Variants in ENTREP2 observed in about 807,000 individuals in gnomAD.
ENTREP2 encodes endosomal transmembrane epsin interactor 2, also known as protein ENTREP2.
chr15:29,408,960 C>T, the ENTREP2 span, among the ~76,000 whole-genome samples: 1 of 152,090 alleles, frequency 6.6e-6, no homozygotes. Context: ...ACCTGTGAGG[C>T]CATTAACACA....
chr15:29,292,220 G>C, the ENTREP2 span, among the ~76,000 whole-genome samples: 5 of 152,196 alleles, frequency 3.3e-5, no homozygotes, highest in East Asian at 3.9e-4. Flanking sequence ...TCACTGACAG[G>C]CTTCAGTACA....
At chr15:29,349,935 GATTA>G in the ENTREP2 span, among the ~76,000 whole-genome samples, 26 of 151,516 alleles carry the variant, frequency 1.7e-4, no homozygotes, top group Admixed American at 6.6e-4. Context: ...ATAATTAATT[GATTA>G]ATTAATTAAT....
chr15:29,223,697 C>T, the ENTREP2 span, among the ~76,000 whole-genome samples: 21 of 152,042 alleles, frequency 1.4e-4, no homozygotes, highest in Admixed American at 1.2e-3. Flanking sequence ...CCTGTAGTGG[C>T]GCTCCTGGCC....
At chr15:29,640,325 TATAA>T in the ENTREP2 span, among the ~76,000 whole-genome samples, 1 of 152,044 alleles carries the variant, frequency 6.6e-6, no homozygotes, top group African/African-American at 2.4e-5. Context: ...ACATAGAAGA[TATAA>T]ATAGTCATAG....
chr15:29,360,536 T>C, the ENTREP2 span, among the ~76,000 whole-genome samples: 12 of 152,196 alleles, frequency 7.9e-5, no homozygotes, highest in African/African-American at 2.4e-4. Context: ...ATTTGCAATA[T>C]TCATCATTAA....
chr15:29,383,269 C>A, the ENTREP2 span, among the ~76,000 whole-genome samples: 204 of 152,242 alleles, frequency 1.3e-3, no homozygotes, highest in Non-Finnish European at 2.4e-3. Flanking sequence ...CCCAACATGT[C>A]CAAAAATGCA....
At chr15:29,644,360 A>G in the ENTREP2 span, among the ~76,000 whole-genome samples, 3 of 152,210 alleles carry the variant, frequency 2.0e-5, no homozygotes, top group Non-Finnish European at 2.9e-5. Flanking sequence ...AACCCTATGA[A>G]TATATACTAA....
the ENTREP2 span, among the ~76,000 whole-genome samples, chr15:29,254,161 CAAAAAAAAAA>C: frequency 1.6e-4 from 10 of 61,336 alleles, no homozygotes; most frequent in Middle Eastern, 0.016. Flanking sequence ...TGTTAAAGAG[CAAAAAAAAAA>C]AAAAAAAAAA....
At chr15:29,312,252 A>T in the ENTREP2 span, among the ~76,000 whole-genome samples, 1 of 152,168 alleles carries the variant, frequency 6.6e-6, no homozygotes, top group African/African-American at 2.4e-5. Context: ...TGAAAGAAGA[A>T]GTTAAAATTA....
At chr15:29,362,217 T>C in the ENTREP2 span, among the ~76,000 whole-genome samples, 1 of 152,146 alleles carries the variant, frequency 6.6e-6, no homozygotes. Flanking sequence ...TAACTCACTC[T>C]TTCTCAGAAG....
At chr15:29,267,397 G>A in the ENTREP2 span, 3 of 152,128 alleles carry the variant, frequency 2.0e-5, no homozygotes, top group South Asian at 4.1e-4. Context: ...AGTTCATTTA[G>A]TGCATAAAAC....
At chr15:29,153,590 T>C in the ENTREP2 span, among the ~76,000 whole-genome samples, 1 of 152,220 alleles carries the variant, frequency 6.6e-6, no homozygotes, top group Admixed American at 6.5e-5. Context: ...GGAATTAGAA[T>C]TTCAACATAT....
chr15:29,126,460 G>C, the ENTREP2 span: 2 of 1,550,104 alleles, frequency 1.3e-6, no homozygotes, highest in African/African-American at 1.4e-5. Flanking sequence ...CAGTGCCCTC[G>C]GACACCAGGA....
At chr15:29,489,954 T>A in the ENTREP2 span, among the ~76,000 whole-genome samples, 1 of 152,242 alleles carries the variant, frequency 6.6e-6, no homozygotes, top group Non-Finnish European at 1.5e-5. Context: ...AATGTTTTAA[T>A]TCTTCTGAAA....
chr15:29,454,247 C>A, the ENTREP2 span, among the ~76,000 whole-genome samples: 5 of 152,192 alleles, frequency 3.3e-5, no homozygotes, highest in Admixed American at 2.0e-4. Flanking sequence ...CAGTGACTTG[C>A]CAACTAGAGT....
At chr15:29,381,697 C>T in the ENTREP2 span, 1 of 1,232,108 alleles carries the variant, frequency 8.1e-7, no homozygotes, top group South Asian at 1.3e-5. Flanking sequence ...ATTCTCTTCG[C>T]CACTGCCTCC....
chr15:29,485,861 G>GT, the ENTREP2 span, among the ~76,000 whole-genome samples: 1 of 152,114 alleles, frequency 6.6e-6, no homozygotes, highest in African/African-American at 2.4e-5. Context: ...AAGACAGAAC[G>GT]TAATAAATGC....
At chr15:29,409,269 G>A in the ENTREP2 span, among the ~76,000 whole-genome samples, 5 of 152,030 alleles carry the variant, frequency 3.3e-5, no homozygotes, top group Admixed American at 3.3e-4. Flanking sequence ...GTATAATCTA[G>A]AATTTTAGAT....
the ENTREP2 span, among the ~76,000 whole-genome samples, chr15:29,312,018 A>C: frequency 6.6e-6 from 1 of 152,236 alleles, no homozygotes; most frequent in Non-Finnish European, 1.5e-5. Flanking sequence ...AGAAACAACA[A>C]AACAGAAACT....
Sources: allele counts gnomAD v4.1 joint callset (sites outside exome capture counted in the v4.1 genomes callset), GRCh38; gene constraint gnomAD v4.1.1; transcripts MANE v1.5; gene names NCBI Gene and HGNC (gene_info 2026-07-23, HGNC 2026-07-21).